CCDC150: variants seen among roughly 807,000 people sequenced by gnomAD.
CCDC150 encodes the protein coiled-coil domain containing 150, also known as coiled-coil domain-containing protein 150.
In CCDC150, 151 loss-of-function variants were observed where a neutral mutation model predicts 156.5. The observed-to-expected ratio is 0.97, with a 90% CI of 0.85 to 1.10. The LOEUF is 1.10. Among genes scored for constraint, CCDC150 ranks in the 50% least tolerant of loss-of-function variants. CCDC150 has a pLI of 0.00. For missense variants in CCDC150, 1,312 were observed against 1,268.1 expected (o/e 1.03, Z -0.53); for synonymous variants, 452 against 429.4 (o/e 1.05, Z -0.65).
chr2:196,672,434 A>C lies in CCDC150; in HGVS notation c.1026A>C (p.Ala342=). Residue 342 remains alanine, a synonymous_variant, in exon 9 of 28, where the codon GCA becomes GCC. Transcript: ENST00000389175. ...IMSLHEASEK[A]QVLNDQLTKK... The stretch of plus-strand genomic sequence containing the variant: ...CTCTTCATGAAGCATCAGAAAAAGC[A>C]CAAGTAAATGCTCATGATTTTGTTA... 6.7e-7 allele frequency: 1 copy of C among 1,483,816 alleles called. No individual in the cohort carries two copies. Among genetic ancestry groups the C allele is most frequent in the Non-Finnish European group, 9.0e-7 (1 of 1,111,082 alleles). 91.9% of individuals were successfully genotyped at this position (1,483,816 alleles called of 1,614,324 possible).
chr2:196,713,272 G>C (rs1697259623), intron 17 of CCDC150: 17 of 1,395,102 alleles, frequency 1.2e-5, no homozygotes, highest in Non-Finnish European at 1.5e-5. Flanking sequence ...CTAGAACACT[G>C]TGTTGTTTCT....
intron 21 of CCDC150, among the ~76,000 whole-genome samples, chr2:196,723,313 C>T (rs547057222): frequency 3.7e-4 from 57 of 152,208 alleles, no homozygotes; most frequent in Non-Finnish European, 6.9e-4. Context: ...CCATCCTGGC[C>T]AACATGGTGA....
chr2:196,676,517 A>G lies in CCDC150; in HGVS notation c.1263-37A>G, dbSNP rs922189305. The G allele has an allele frequency of 7.8e-6, 12 of 1,535,970 alleles. No individual in the cohort carries two copies. In the Admixed American group the frequency reaches 2.0e-4, roughly 25 times the overall value. Reference sequence around the variant, plus strand: ...GCTCTTTCTGTTAAATTAGAACTCTAATTTAGCTTTCATATGTTCTTGATC... The same window carrying G: ...GCTCTTTCTGTTAAATTAGAACTCTGATTTAGCTTTCATATGTTCTTGATC... On this transcript the variant is annotated intron_variant, in intron 11 of 27. Coordinates refer to ENST00000389175, the MANE Select transcript of CCDC150 (RefSeq NM_001080539.2).
intron 13 of CCDC150, among the ~76,000 whole-genome samples, chr2:196,692,121 ATTTTTTTTT>A (rs1161513452): frequency 3.2e-5 from 2 of 62,022 alleles, no homozygotes; most frequent in African/African-American, 1.4e-4. Context: ...TTGAGATCTA[ATTTTTTTTT>A]TTTTTTTTTT....
intron 22 of CCDC150, among the ~76,000 whole-genome samples, chr2:196,728,741 A>AGTAATTGTGT (rs1361659527): frequency 1.3e-5 from 2 of 152,226 alleles, no homozygotes; most frequent in African/African-American, 4.8e-5. Context: ...ATAATCACAG[A>AGTAATTGTGT]GTAATTGTGT....
chr2:196,651,816 G>T (rs1171004813), intron 2 of CCDC150, among the ~76,000 whole-genome samples: 1 of 152,156 alleles, frequency 6.6e-6, no homozygotes, highest in Admixed American at 6.5e-5. Context: ...AGATATATTT[G>T]GTTCATAGTT....
intron 22 of CCDC150, among the ~76,000 whole-genome samples, chr2:196,728,982 T>C (rs1698371485): frequency 6.6e-6 from 1 of 152,196 alleles, no homozygotes; most frequent in South Asian, 2.1e-4. Context: ...GCATTCTTTA[T>C]TCCAAAAAAG....
chr2:196,689,819 G>T (rs200337206), intron 13 of CCDC150, among the ~76,000 whole-genome samples: 1 of 152,110 alleles, frequency 6.6e-6, no homozygotes, highest in Non-Finnish European at 1.5e-5. Context: ...TCCCTGTCTT[G>T]TGCCAGTTTT....
At chr2:196,659,120 C>T (rs568664377) in intron 5 of CCDC150, among the ~76,000 whole-genome samples, 16 of 152,252 alleles carry the variant, frequency 1.1e-4, no homozygotes, top group African/African-American at 3.4e-4. Context: ...AGTTACCACT[C>T]GTGGCTGCCC....
intron 22 of CCDC150, among the ~76,000 whole-genome samples, chr2:196,728,180 G>A (rs1341017693): frequency 6.6e-6 from 1 of 152,126 alleles, no homozygotes; most frequent in Non-Finnish European, 1.5e-5. Flanking sequence ...AAATTGGAAA[G>A]CATTTGTAAA....
chr2:196,644,477 T>G (rs765967609), intron 1 of CCDC150, among the ~76,000 whole-genome samples: 2 of 152,124 alleles, frequency 1.3e-5, no homozygotes, highest in Non-Finnish European at 2.9e-5. Flanking sequence ...ACGGGCTTAC[T>G]CAGAGGCTCT....
rs138022896 is a variant in CCDC150 at position 196,719,513 on chromosome 2, G to A, written c.2012G>A (p.Arg671Gln). ...RENKKVGNFQ[R>Q]QLAEAKEDNC... is the part of the protein sequence containing the mutation. ...TTCTGTTAGGTGGGAAACTTTCAGC[G>A]ACAATTGGCAGAAGCTAAAGAAGAC... The change falls in exon 19 of 28, where the codon CGA becomes CAA. Residue 671 changes from arginine (R) to glutamine (Q), a missense_variant. Physicochemically the swap from Arg to Gln is conservative, Grantham distance 43. Coordinates refer to ENST00000389175, the MANE Select transcript of CCDC150 (RefSeq NM_001080539.2). The A allele has an allele frequency of 3.2e-5, 52 of 1,609,808 alleles. No homozygotes were observed. In the African/African-American group the frequency reaches 5.5e-4, roughly 17 times the overall value.
intron 14 of CCDC150, among the ~76,000 whole-genome samples, chr2:196,697,980 C>G (rs1695935615): frequency 6.6e-6 from 1 of 152,086 alleles, no homozygotes; most frequent in South Asian, 2.1e-4. Flanking sequence ...TGGTATCTTT[C>G]TCTGTATGAT....
At chr2:196,719,388 G>C (rs1213924366) in intron 18 of CCDC150, 109 bp from the exon 19 acceptor site, 1 of 778,888 alleles carries the variant, frequency 1.3e-6, no homozygotes, top group East Asian at 2.9e-5. Context: ...GCATCCTACT[G>C]TGTCTGCTTG....
chr2:196,696,617 C>A (rs1158432608), intron 14 of CCDC150, among the ~76,000 whole-genome samples: 2 of 152,184 alleles, frequency 1.3e-5, no homozygotes, highest in Non-Finnish European at 2.9e-5. Context: ...TCATAGATAA[C>A]GCAATTCTAG....
intron 2 of CCDC150, among the ~76,000 whole-genome samples, chr2:196,649,435 A>G (rs936314047): frequency 1.3e-5 from 2 of 152,100 alleles, no homozygotes; most frequent in African/African-American, 2.4e-5. Context: ...CACTTTTTCT[A>G]TGTTTAGATA....
intron 19 of CCDC150, 132 bp from the exon 20 acceptor site, chr2:196,720,443 A>G (rs565995624): frequency 1.2e-5 from 8 of 658,956 alleles, no homozygotes; most frequent in Non-Finnish European, 1.3e-5. Flanking sequence ...TGTACTAGTG[A>G]TATTTACTAG....
intron 5 of CCDC150, among the ~76,000 whole-genome samples, chr2:196,664,304 A>G (rs1253329953): frequency 1.3e-5 from 2 of 152,184 alleles, no homozygotes; most frequent in African/African-American, 2.4e-5. Context: ...GCAAGCCCCA[A>G]GTTGTCCTTC....
chr2:196,679,305 C>G (rs1694682256), intron 13 of CCDC150, among the ~76,000 whole-genome samples: 1 of 152,026 alleles, frequency 6.6e-6, no homozygotes, highest in African/African-American at 2.4e-5. Flanking sequence ...CCCTTGTGCC[C>G]TTTTGTAATC....
Sources: allele counts gnomAD v4.1 joint callset (sites outside exome capture counted in the v4.1 genomes callset), GRCh38; gene constraint gnomAD v4.1.1; transcripts MANE v1.5; gene names NCBI Gene and HGNC (gene_info 2026-07-23, HGNC 2026-07-21).